The following VPS53 variants were observed in gnomAD, a reference collection of about 807,000 sequenced individuals.
VPS53 encodes vacuolar protein sorting-associated protein 53 homolog.
Under a neutral mutation model 107.0 loss-of-function variants are expected in VPS53, and 70 were observed. That is an observed-to-expected ratio of 0.65 (90% CI 0.54 to 0.80). The LOEUF (loss-of-function observed/expected upper bound fraction) is 0.80. Among genes scored for constraint, VPS53 ranks in the 30% least tolerant of loss-of-function variants. VPS53 has a pLI of 0.00. For missense variants in VPS53, 917 were observed against 1,049.4 expected (o/e 0.87, Z 1.74); for synonymous variants, 409 against 393.3 (o/e 1.04, Z -0.47).
chr17:576,692 C>T (rs1914641926), intron 13 of VPS53, among the ~76,000 whole-genome samples: 2 of 151,948 alleles, frequency 1.3e-5, no homozygotes, highest in East Asian at 3.9e-4. Context: ...TAATGCATTC[C>T]CAGAGAACCT....
chr17:666,736 G>A (rs1444749493), intron 4 of VPS53, among the ~76,000 whole-genome samples: 1 of 151,584 alleles, frequency 6.6e-6, no homozygotes, highest in African/African-American at 2.4e-5. Context: ...TGACCAACAT[G>A]GTGAAACCCC....
At chr17:692,689 T>A (rs1972816787) in intron 4 of VPS53, among the ~76,000 whole-genome samples, 1 of 152,220 alleles carries the variant, frequency 6.6e-6, no homozygotes, top group South Asian at 2.1e-4. Flanking sequence ...AGTCAACACT[T>A]TCCCCTTATT....
intron 18 of VPS53, among the ~76,000 whole-genome samples, chr17:534,155 A>C (rs1909835628): frequency 6.6e-6 from 1 of 152,096 alleles, no homozygotes; most frequent in Non-Finnish European, 1.5e-5. Flanking sequence ...CCACTTTTTG[A>C]ATGTCAGCTT....
intron 15 of VPS53, among the ~76,000 whole-genome samples, chr17:558,411 A>G (rs918021426): frequency 3.9e-5 from 6 of 152,164 alleles, no homozygotes; most frequent in Non-Finnish European, 4.4e-5. Flanking sequence ...AGACGGGCAG[A>G]TCACAAGATC....
Position 509,785 on chromosome 17 carries a change from CAAATCCT to C in VPS53, c.*9336_*9342del, listed in dbSNP as rs1907833619. ...GCTCACCCCCTTACTAGTCACATATCAAATCCTGGCTCGCCCCTCACTAGCCACATAT... is the reference window on the plus strand; with the variant it reads ...GCTCACCCCCTTACTAGTCACATATCGGCTCGCCCCTCACTAGCCACATAT... On this transcript the variant is annotated 3_prime_UTR_variant, in exon 22 of 22. Coordinates refer to ENST00000437048, the MANE Select transcript of VPS53 (RefSeq NM_001128159.3). 5.7e-6 allele frequency: 1 copy of C among 174,898 alleles called. No individual in the cohort carries two copies. Among genetic ancestry groups the C allele is most frequent in the African/African-American group, 2.5e-5 (1 of 40,368 alleles). 10.8% of individuals were successfully genotyped at this position (174,898 alleles called of 1,614,324 possible).
At chr17:710,098 C>A (rs1477265189) in intron 2 of VPS53, among the ~76,000 whole-genome samples, 1 of 151,972 alleles carries the variant, frequency 6.6e-6, no homozygotes, top group Non-Finnish European at 1.5e-5. Flanking sequence ...TGAGCCGAGA[C>A]CGCGCCATTG....
intron 12 of VPS53, among the ~76,000 whole-genome samples, chr17:594,333 A>C (rs1967839633): frequency 6.6e-6 from 1 of 152,262 alleles, no homozygotes; most frequent in South Asian, 2.1e-4. Context: ...ATAAATAAAT[A>C]AAGAATGGCA....
chr17:605,219 GA>G (rs1172427457), intron 11 of VPS53, among the ~76,000 whole-genome samples: 1 of 152,220 alleles, frequency 6.6e-6, no homozygotes, highest in Non-Finnish European at 1.5e-5. Flanking sequence ...TGCAAGTGAG[GA>G]AGATGGATTA....
chr17:633,004 A>G (rs1316170872), intron 7 of VPS53, among the ~76,000 whole-genome samples: 1 of 152,224 alleles, frequency 6.6e-6, no homozygotes, highest in African/African-American at 2.4e-5. Context: ...GTTTGTGAAT[A>G]TGAAAACGGA....
At chr17:659,529 C>G (rs1440400862) in intron 5 of VPS53, among the ~76,000 whole-genome samples, 2 of 152,292 alleles carry the variant, frequency 1.3e-5, no homozygotes, top group Non-Finnish European at 1.5e-5. Flanking sequence ...GATCCCCCCT[C>G]CTTGGCCTCC....
rs143964294 is a variant in VPS53, at chr17:551,703, C to T, written c.1866+169G>A. The T allele has an allele frequency of 1.5e-3, 695 of 465,184 alleles. 4 individuals are homozygous for T. The highest frequency in any genetic ancestry group is 0.012 in the African/African-American group (609 of 50,702). 28.8% of individuals were successfully genotyped at this position (465,184 alleles called of 1,614,324 possible). A position where few individuals can be genotyped will look rare whatever the true frequency, so the allele number is the denominator to read the frequency against. Reference sequence around the variant, plus strand: ...CTAAAAGGACAAGCAACTGAACTGACGCAGGTGCGACACTAACTGAGTGCT... The same window carrying T: ...CTAAAAGGACAAGCAACTGAACTGATGCAGGTGCGACACTAACTGAGTGCT... On this transcript the variant is annotated intron_variant, in intron 17 of 21. Transcript: ENST00000437048.
At chr17:543,809 AAGGAAGGGAGGGAGGG>A (rs1910898153) in intron 17 of VPS53, among the ~76,000 whole-genome samples, 2 of 58,996 alleles carry the variant, frequency 3.4e-5, no homozygotes, top group African/African-American at 1.3e-4. Flanking sequence ...GGAAGGAAGG[AAGGAAGGGAGGGAGGG>A]AGGGAGGGAG....
intron 18 of VPS53, among the ~76,000 whole-genome samples, chr17:535,076 G>A (rs1909926120): frequency 6.6e-6 from 1 of 152,194 alleles, no homozygotes. Context: ...TGGGCCATCA[G>A]GGCGGTGGTG....
intron 1 of VPS53, 121 bp downstream of exon 1, chr17:714,494 CCACCTCCA>C: frequency 1.2e-6 from 1 of 822,464 alleles, no homozygotes; most frequent in Non-Finnish European, 1.9e-6. Context: ...CACCACCTCC[CCACCTCCA>C]CTTTCCCTTC....
At chr17:672,914 CATCCTGGCG>C (rs1972020874) in intron 4 of VPS53, among the ~76,000 whole-genome samples, 1 of 152,086 alleles carries the variant, frequency 6.6e-6, no homozygotes, top group African/African-American at 2.4e-5. Flanking sequence ...AGATCGAGAC[CATCCTGGCG>C]AACACGGTGA....
intron 12 of VPS53, among the ~76,000 whole-genome samples, chr17:598,492 C>T (rs1222032954): frequency 6.6e-6 from 1 of 151,768 alleles, no homozygotes; most frequent in Non-Finnish European, 1.5e-5. Flanking sequence ...CTCCGCCCGG[C>T]CGCCATCCCA....
intron 19 of VPS53, among the ~76,000 whole-genome samples, chr17:523,800 A>C (rs1279859493): frequency 6.6e-6 from 1 of 152,148 alleles, no homozygotes; most frequent in South Asian, 2.1e-4. Flanking sequence ...TTTGTTGAAA[A>C]GGCCAAGGGC....
At chr17:622,767 C>A (rs1314459239) in intron 11 of VPS53, among the ~76,000 whole-genome samples, 1 of 151,854 alleles carries the variant, frequency 6.6e-6, no homozygotes, top group Non-Finnish European at 1.5e-5. Flanking sequence ...TGTCACTCAT[C>A]ATAGCTCACT....
chr17:514,375 G>T lies in VPS53; in HGVS notation c.*4753C>A, dbSNP rs1908143284. On this transcript the variant is annotated 3_prime_UTR_variant, in exon 22 of 22. Coordinates refer to ENST00000437048, the MANE Select transcript of VPS53 (RefSeq NM_001128159.3). ...TCCTAGGTAAGGAATCCCATTTCCA[G>T]CAGGTTATTCCGAGTGCTCTTCCTA... 1 of 150,606 alleles carries T rather than the reference G, an allele frequency of 6.6e-6. No individual in the cohort carries two copies. The highest frequency in any genetic ancestry group is 1.5e-5 in the Non-Finnish European group (1 of 67,584). 9.3% of individuals were successfully genotyped at this position (150,606 alleles called of 1,614,324 possible).
Sources: gnomAD v4.1 joint callset for allele counts (sites outside exome capture counted in the v4.1 genomes callset) on GRCh38, gnomAD v4.1.1 for gene constraint, MANE v1.5 for transcripts, NCBI Gene and HGNC (gene_info 2026-07-23, HGNC 2026-07-21) for gene names.